The following DLG2 variants were observed in gnomAD, a reference collection of about 807,000 sequenced individuals.
The protein encoded by DLG2 is discs large MAGUK scaffold protein 2.
A neutral mutation model predicts 132.5 loss-of-function variants in DLG2; 45 were observed. That is an observed-to-expected ratio of 0.34 (90% CI 0.27 to 0.44). The LOEUF is 0.44. DLG2 is among the 20% of genes least tolerant of loss of function. DLG2 has a pLI of 1.00. For missense variants in DLG2, 1,045 were observed against 1,196.9 expected (o/e 0.87, Z 1.87); for synonymous variants, 424 against 419.6 (o/e 1.01, Z -0.13).
chr11:84,492,985 C>T (rs1382737194), intron 7 of DLG2, among the ~76,000 whole-genome samples: 1 of 151,986 alleles, frequency 6.6e-6, no homozygotes, highest in East Asian at 1.9e-4. Context: ...AACAGTTTTT[C>T]TATGATCTTA....
At chr11:84,988,349 G>A (rs2056726100) in intron 6 of DLG2, among the ~76,000 whole-genome samples, 2 of 152,098 alleles carry the variant, frequency 1.3e-5, no homozygotes, top group Non-Finnish European at 1.5e-5. Context: ...TTGATCCAGC[G>A]ATCCCACTAC....
At chr11:83,987,069 A>G (rs1260507862) in intron 11 of DLG2, among the ~76,000 whole-genome samples, 1 of 151,942 alleles carries the variant, frequency 6.6e-6, no homozygotes, top group African/African-American at 2.4e-5. Flanking sequence ...GTTTAATTTG[A>G]TCCCATTTGT....
chr11:84,781,057 ATG>A (rs35479707), intron 6 of DLG2, among the ~76,000 whole-genome samples: 11,192 of 142,950 alleles, frequency 0.078, 1,387 homozygotes, highest in African/African-American at 0.27. Context: ...TCATAACTTA[ATG>A]TGTGTGTGTG....
At position 85,438,691 on chromosome 11, in the gene DLG2, C is replaced by A. The variant is rs1427391283; in HGVS notation, c.41-153326G>T. The stretch of plus-strand genomic sequence containing the variant: ...GTCCTCATCTTTGTGTGTGTATGTA[C>A]ATGTATATCATGTGTATATAGGAGA... On this transcript the variant is annotated intron_variant, in intron 3 of 27. Coordinates refer to ENST00000376104, the MANE Select transcript of DLG2 (RefSeq NM_001142699.3). 2.0e-5 allele frequency among the ~76,000 whole-genome samples: 3 copies of A among 152,104 alleles called. No individual in the cohort carries two copies. In the East Asian group the frequency reaches 5.8e-4, roughly 29 times the overall value.
At chr11:83,674,154 G>A (rs2077299075) in intron 18 of DLG2, among the ~76,000 whole-genome samples, 1 of 152,164 alleles carries the variant, frequency 6.6e-6, no homozygotes. Flanking sequence ...TGCTTTAGTT[G>A]CTCAATCATG....
chr11:83,546,574 T>C (rs979910397), intron 19 of DLG2, among the ~76,000 whole-genome samples: 1 of 152,104 alleles, frequency 6.6e-6, no homozygotes, highest in African/African-American at 2.4e-5. Context: ...CATGTAAGCA[T>C]TTTTGGTCTC....
chr11:84,119,116 C>T (rs1055310505), intron 9 of DLG2, among the ~76,000 whole-genome samples: 16 of 151,526 alleles, frequency 1.1e-4, no homozygotes, highest in Non-Finnish European at 1.5e-5. Flanking sequence ...CCAGAAGAAA[C>T]ATCTACCATA....
intron 3 of DLG2, among the ~76,000 whole-genome samples, chr11:85,331,307 T>A (rs141969149): frequency 6.6e-6 from 1 of 152,312 alleles, no homozygotes; most frequent in East Asian, 1.9e-4. Flanking sequence ...AAGTTCAATA[T>A]ATATACCTCT....
chr11:85,289,364 C>T (rs1291252814), intron 3 of DLG2, among the ~76,000 whole-genome samples: 1 of 152,144 alleles, frequency 6.6e-6, no homozygotes, highest in Non-Finnish European at 1.5e-5. Flanking sequence ...CCCAGATCCC[C>T]CTTCCCACAC....
intron 6 of DLG2, among the ~76,000 whole-genome samples, chr11:84,931,505 T>C (rs968482839): frequency 1.3e-5 from 2 of 152,210 alleles, no homozygotes; most frequent in Non-Finnish European, 2.9e-5. Context: ...CAACTGTTCA[T>C]TTTTATGGAC....
intron 4 of DLG2, 123 bp downstream of exon 4, chr11:85,285,097 T>TA (rs1282050200): frequency 1.2e-6 from 1 of 851,162 alleles, no homozygotes; most frequent in Non-Finnish European, 1.8e-6. Context: ...TACAGTATGG[T>TA]ATAACTACAT....
intron 20 of DLG2, among the ~76,000 whole-genome samples, chr11:83,537,838 G>A (rs202052420): frequency 0.2 from 16,289 of 80,684 alleles, 1,998 homozygotes; most frequent in African/African-American, 0.28. Context: ...AAAAAAAAGA[G>A]AGAGAGAGAT....
At chr11:83,789,557 T>G (rs952936264) in intron 17 of DLG2, among the ~76,000 whole-genome samples, 8 of 151,976 alleles carry the variant, frequency 5.3e-5, no homozygotes, top group Non-Finnish European at 1.0e-4. Context: ...TGACTTTTTT[T>G]TTTTTTTTGA....
chr11:85,018,885 C>A (rs1274718268), intron 6 of DLG2, among the ~76,000 whole-genome samples: 1 of 151,586 alleles, frequency 6.6e-6, no homozygotes, highest in Admixed American at 6.6e-5. Context: ...AAAAAATAAC[C>A]CACAGTATCA....
intron 7 of DLG2, among the ~76,000 whole-genome samples, chr11:84,305,991 T>C (rs2098213680): frequency 6.6e-6 from 1 of 152,174 alleles, no homozygotes; most frequent in African/African-American, 2.4e-5. Context: ...TTTGGTGAGA[T>C]CCCTGTATTT....
At chr11:84,903,789 G>A (rs1210076278) in intron 6 of DLG2, among the ~76,000 whole-genome samples, 2 of 152,028 alleles carry the variant, frequency 1.3e-5, no homozygotes, top group Non-Finnish European at 2.9e-5. Context: ...ACATAGAAAT[G>A]TTTTTTGGTT....
intron 6 of DLG2, among the ~76,000 whole-genome samples, chr11:84,650,454 A>G (rs144446690): frequency 1.3e-5 from 2 of 152,292 alleles, no homozygotes; most frequent in African/African-American, 4.8e-5. Context: ...CTGAATTGAG[A>G]TCATTATTTA....
At chr11:85,079,882 A>C (rs1173917863) in intron 6 of DLG2, among the ~76,000 whole-genome samples, 1 of 152,076 alleles carries the variant, frequency 6.6e-6, no homozygotes, top group East Asian at 1.9e-4. Flanking sequence ...CACCTGTCTC[A>C]GCTTCCCAAA....
intron 3 of DLG2, among the ~76,000 whole-genome samples, chr11:85,305,361 A>T (rs2079867127): frequency 6.6e-6 from 1 of 152,210 alleles, no homozygotes; most frequent in African/African-American, 2.4e-5. Context: ...TCTTTACCAT[A>T]GCCTGTGACA....
Sources: gnomAD v4.1 joint callset for allele counts (sites outside exome capture counted in the v4.1 genomes callset) on GRCh38, gnomAD v4.1.1 for gene constraint, MANE v1.5 for transcripts, NCBI Gene and HGNC (gene_info 2026-07-23, HGNC 2026-07-21) for gene names.